Variants in RNF17 observed in about 807,000 individuals in gnomAD.
The protein encoded by RNF17 is spermatogenesis associated 23.
A neutral mutation model predicts 200.5 loss-of-function variants in RNF17; 31 were observed. The observed-to-expected ratio is 0.15, with a 90% confidence interval of 0.12 to 0.21. The LOEUF is 0.21. Ranked by LOEUF, RNF17 falls within the 10% of genes least tolerant of loss-of-function variation. The pLI is 1.00. For synonymous variants in RNF17, 606 were observed against 637.8 expected, an observed-to-expected ratio of 0.95 and a Z score of 0.75; for missense variants, 1,628 against 1,905.1, an observed-to-expected ratio of 0.85 and a Z score of 2.71.
intron 16 of RNF17, among the ~76,000 whole-genome samples, chr13:24,830,162 G>A (rs1355812575): frequency 1.3e-5 from 2 of 152,030 alleles, no homozygotes; most frequent in Admixed American, 6.6e-5. Context: ...TTTTAGTGAC[G>A]GAGCTAGTGT....
At chr13:24,827,730 A>AAAAAAAAAAC (rs1888894362) in intron 16 of RNF17, among the ~76,000 whole-genome samples, 1 of 147,138 alleles carries the variant, frequency 6.8e-6, no homozygotes, top group African/African-American at 2.5e-5. Context: ...AAAAAAAAAA[A>AAAAAAAAAAC]ACAATAGAAA....
intron 13 of RNF17, 145 bp from the exon 14 acceptor site, chr13:24,802,236 G>A (rs922861444): frequency 1.5e-5 from 9 of 611,268 alleles, no homozygotes; most frequent in African/African-American, 3.8e-5. Flanking sequence ...CACCACGCCC[G>A]GCTGCCCTGG....
At chr13:24,881,507 A>C (rs942430987), downstream of RNF17, among the ~76,000 whole-genome samples, 1 of 152,028 alleles carries the variant, frequency 6.6e-6, no homozygotes, top group East Asian at 2.0e-4. Context: ...CTCCTGAGAT[A>C]TCTCTAGAAT....
At chr13:24,880,532 G>A (rs1400119083), downstream of RNF17, among the ~76,000 whole-genome samples, 1 of 152,136 alleles carries the variant, frequency 6.6e-6, no homozygotes, top group Admixed American at 6.6e-5. Context: ...TAATGTATCT[G>A]CTGTCACACA....
Position 24,877,237 on chromosome 13 carries a change from A to G in RNF17, c.4773+51A>G, listed in dbSNP as rs3803215. 10,798 of 1,491,782 alleles carry G rather than the reference A, an allele frequency of 7.2e-3. 331 individuals are homozygous for G. In the East Asian group the frequency reaches 0.1, roughly 14 times the overall value. The allele number at this position is 1,491,782 out of a possible 1,614,324, so 92.4% of individuals were successfully genotyped here. ...ATTGTAAAGCTATTTCTGTGTCGAT[A>G]CTTTGTAAAGTGTTTGTTTCTATGC... On this transcript the variant is annotated intron_variant, in intron 34 of 35. Coordinates refer to ENST00000255324, the MANE Select transcript of RNF17 (RefSeq NM_031277.3).
At chr13:24,857,272 T>C (rs760576680) in intron 25 of RNF17, among the ~76,000 whole-genome samples, 1 of 152,186 alleles carries the variant, frequency 6.6e-6, no homozygotes, top group Non-Finnish European at 1.5e-5. Context: ...CTGTAAACCT[T>C]GGGATCCTTG....
intron 1 of RNF17, among the ~76,000 whole-genome samples, chr13:24,764,865 A>G (rs1399781106): frequency 6.8e-6 from 1 of 147,128 alleles, no homozygotes; most frequent in Non-Finnish European, 1.5e-5. Context: ...GGAAAATGAT[A>G]GTTTCTTTTG....
At chr13:24,837,089 C>T (rs187863865) in intron 18 of RNF17, among the ~76,000 whole-genome samples, 43 of 152,184 alleles carry the variant, frequency 2.8e-4, no homozygotes, top group African/African-American at 1.0e-3. Flanking sequence ...TTATATCAGA[C>T]AAAACAAACT....
Position 24,842,038 on chromosome 13 carries a change from C to T in RNF17, c.2483-3C>T. The T allele has an allele frequency of 6.3e-7, 1 of 1,595,590 alleles. No homozygotes were observed. Among genetic ancestry groups the T allele is most frequent in the Non-Finnish European group, 8.5e-7 (1 of 1,174,354 alleles). On this transcript the variant is annotated splice_region_variant and splice_polypyrimidine_tract_variant and intron_variant, in intron 18 of 35. Coordinates refer to ENST00000255324, the MANE Select transcript of RNF17 (RefSeq NM_031277.3). ...TCCCCAAACTTTCTTAATGGTTTTA[C>T]AGAAATTCTGGAAGATAATGTGCTC...
Position 24,807,942 on chromosome 13 carries a change from G to T in RNF17, c.2091+3513G>T, listed in dbSNP as rs540830422. ...GCTTGTTTTTCTCAGGTTTGTCAAA[G>T]ATCAGATATTTGTAGATATGCGGCG... On this transcript the variant is annotated intron_variant, in intron 15 of 35. Transcript: ENST00000255324. Among the ~76,000 whole-genome samples, 19 of 152,178 alleles carry T rather than the reference G, an allele frequency of 1.2e-4. No individual in the cohort carries two copies. The South Asian group carries it at 3.3e-3, about 27-fold the overall frequency.
chr13:24,879,084 C>A, intron 34 of RNF17, 103 bp from the exon 35 acceptor site: 1 of 761,572 alleles, frequency 1.3e-6, no homozygotes. Context: ...ATCAATAGGC[C>A]CCTGAGAACA....
At chr13:24,879,381 CCT>C in intron 35 of RNF17, 86 bp downstream of exon 35, 1 of 856,882 alleles carries the variant, frequency 1.2e-6, no homozygotes, top group Non-Finnish European at 1.9e-6. Flanking sequence ...CGTGGATTTT[CCT>C]TGATTTCTCA....
intron 1 of RNF17, among the ~76,000 whole-genome samples, chr13:24,766,710 A>C (rs1468653206): frequency 6.6e-6 from 1 of 152,258 alleles, no homozygotes; most frequent in Non-Finnish European, 1.5e-5. Context: ...TTAGTTAACC[A>C]AATCTCCAAA....
At chr13:24,868,197 G>A (rs549360995) in intron 30 of RNF17, among the ~76,000 whole-genome samples, 3 of 152,230 alleles carry the variant, frequency 2.0e-5, no homozygotes, top group South Asian at 2.1e-4. Flanking sequence ...GGGGCCGGGC[G>A]CGGTGGCTCA....
chr13:24,806,515 C>T (rs575665937), intron 15 of RNF17, among the ~76,000 whole-genome samples: 1 of 152,200 alleles, frequency 6.6e-6, no homozygotes, highest in South Asian at 2.1e-4. Context: ...AGCATCTGAT[C>T]GCCTTTCTGA....
chr13:24,859,868 G>C (rs1342000703), intron 26 of RNF17, among the ~76,000 whole-genome samples: 1 of 151,894 alleles, frequency 6.6e-6, no homozygotes, highest in Non-Finnish European at 1.5e-5. Context: ...ATATTTTATA[G>C]TTTGTTTACA....
chr13:24,805,133 G>A (rs1301338501), intron 15 of RNF17, among the ~76,000 whole-genome samples: 1 of 152,184 alleles, frequency 6.6e-6, no homozygotes, highest in Non-Finnish European at 1.5e-5. Flanking sequence ...CCTCAAATGA[G>A]TTGTGGAAGC....
intron 1 of RNF17, among the ~76,000 whole-genome samples, chr13:24,765,912 C>T (rs1452106518): frequency 6.6e-6 from 1 of 152,180 alleles, no homozygotes; most frequent in Non-Finnish European, 1.5e-5. Context: ...GGATAGGAAA[C>T]TTGTAAAGTT....
intron 28 of RNF17, among the ~76,000 whole-genome samples, chr13:24,864,540 AC>A (rs149573714): frequency 0.13 from 19,620 of 152,062 alleles, 1,351 homozygotes; most frequent in Admixed American, 0.15. Flanking sequence ...TCTGAACGTA[AC>A]CTTTTCTTTC....
Sources: gnomAD v4.1 joint callset for allele counts (sites outside exome capture counted in the v4.1 genomes callset) on GRCh38, gnomAD v4.1.1 for gene constraint, MANE v1.5 for transcripts, NCBI Gene and HGNC (gene_info 2026-07-23, HGNC 2026-07-21) for gene names.